KLF12: variants seen among roughly 807,000 people sequenced by gnomAD.
KLF12 encodes the protein Krueppel-like factor 12.
In KLF12, 9 loss-of-function variants were observed where a neutral mutation model predicts 37.8. That is an observed-to-expected ratio of 0.24 (90% CI 0.14 to 0.42). The LOEUF (loss-of-function observed/expected upper bound fraction) is 0.42, where lower values mean the gene tolerates loss of function less well. KLF12 is among the 10% of genes least tolerant of loss of function. KLF12 has a pLI of 1.00. For synonymous variants in KLF12, 208 were observed against 202.1 expected (o/e 1.03, Z -0.25); for missense variants, 411 against 516.0 (o/e 0.80, Z 1.97).
upstream of KLF12, among the ~76,000 whole-genome samples, chr13:74,135,393 G>C (rs1443734138): frequency 2.0e-5 from 3 of 151,932 alleles, no homozygotes; most frequent in Non-Finnish European, 4.4e-5. Flanking sequence ...GGACGGCCCG[G>C]AGCCGAGTCC....
chr13:73,731,258 A>C (rs1279475686), intron 6 of KLF12, among the ~76,000 whole-genome samples: 1 of 152,218 alleles, frequency 6.6e-6, no homozygotes, highest in African/African-American at 2.4e-5. Context: ...CTTGGAGTCC[A>C]CAGGAAAAGT....
At chr13:73,945,103 A>G (rs544984559) in intron 2 of KLF12, among the ~76,000 whole-genome samples, 23 of 152,344 alleles carry the variant, frequency 1.5e-4, no homozygotes, top group African/African-American at 5.0e-4. Context: ...GGTGAAAAAG[A>G]TAAGTATAAT....
chr13:73,856,172 A>T (rs1181793180), intron 3 of KLF12, among the ~76,000 whole-genome samples: 1 of 152,224 alleles, frequency 6.6e-6, no homozygotes, highest in East Asian at 1.9e-4. Flanking sequence ...TTAGAGATGA[A>T]GGCAGGCACA....
intron 1 of KLF12, among the ~76,000 whole-genome samples, chr13:74,125,020 C>T (rs1877854652): frequency 6.6e-6 from 1 of 151,934 alleles, no homozygotes; most frequent in Non-Finnish European, 1.5e-5. Context: ...GTGGCACACA[C>T]CTGAGTCCCA....
chr13:73,986,939 T>G (rs79587734), intron 2 of KLF12, among the ~76,000 whole-genome samples: 6 of 140,364 alleles, frequency 4.3e-5, no homozygotes, highest in South Asian at 2.2e-4. Flanking sequence ...TAAATTTGTG[T>G]TTTTTTTTCA....
chr13:74,055,118 A>C (rs1873172537), intron 1 of KLF12, among the ~76,000 whole-genome samples: 1 of 152,258 alleles, frequency 6.6e-6, no homozygotes, highest in African/African-American at 2.4e-5. Flanking sequence ...GACATTTACC[A>C]AATATTTTTA....
At chr13:73,702,012 T>C (rs977575707) in intron 7 of KLF12, among the ~76,000 whole-genome samples, 5 of 151,492 alleles carry the variant, frequency 3.3e-5, no homozygotes, top group Non-Finnish European at 7.4e-5. Flanking sequence ...AAAGACGACA[T>C]ACCACACACA....
chr13:73,712,885 G>T (rs191638698), intron 7 of KLF12, among the ~76,000 whole-genome samples: 2 of 152,208 alleles, frequency 1.3e-5, no homozygotes, highest in Non-Finnish European at 2.9e-5. Flanking sequence ...GCACACTTGA[G>T]TATAGTGTAA....
chr13:73,789,922 C>G (rs977989700), intron 5 of KLF12, among the ~76,000 whole-genome samples: 4 of 152,088 alleles, frequency 2.6e-5, no homozygotes, highest in Non-Finnish European at 5.9e-5. Flanking sequence ...GTGATCCGCC[C>G]ACCTCGGCCT....
intron 1 of KLF12, among the ~76,000 whole-genome samples, chr13:74,127,394 A>C (rs1878000881): frequency 6.6e-6 from 1 of 152,228 alleles, no homozygotes; most frequent in South Asian, 2.1e-4. Flanking sequence ...CAAATCAACA[A>C]GCAATTAACA....
chr13:74,159,822 C>T, the KLF12 span, among the ~76,000 whole-genome samples: 2 of 152,008 alleles, frequency 1.3e-5, no homozygotes, highest in African/African-American at 4.8e-5. Context: ...AGCTCGAGAC[C>T]AGCCTGGGCA....
chr13:73,800,096 T>C (rs945901694), intron 5 of KLF12: 1 of 152,126 alleles, frequency 6.6e-6, no homozygotes, highest in African/African-American at 2.4e-5. Context: ...AATGAGAGGT[T>C]AATCAATGTT....
chr13:73,802,509 C>A (rs1345383148), intron 5 of KLF12, among the ~76,000 whole-genome samples: 1 of 151,894 alleles, frequency 6.6e-6, no homozygotes, highest in Non-Finnish European at 1.5e-5. Flanking sequence ...CAACAATGTG[C>A]AGATTTGTTA....
At chr13:74,099,538 C>T (rs1876187608) in intron 1 of KLF12, among the ~76,000 whole-genome samples, 1 of 152,166 alleles carries the variant, frequency 6.6e-6, no homozygotes, top group Non-Finnish European at 1.5e-5. Context: ...CAGGGCCATT[C>T]CTTTAGCTAG....
intron 1 of KLF12, among the ~76,000 whole-genome samples, chr13:74,047,424 T>C (rs1383559832): frequency 2.7e-5 from 3 of 112,072 alleles, no homozygotes; most frequent in Non-Finnish European, 5.6e-5. Context: ...ACCCCGTCTC[T>C]ACTAAAAATA....
intron 3 of KLF12, among the ~76,000 whole-genome samples, chr13:73,896,347 A>C (rs1364311232): frequency 2.6e-5 from 4 of 152,196 alleles, no homozygotes; most frequent in African/African-American, 4.8e-5. Context: ...AATGAAATTA[A>C]ACTGTCACAC....
intron 1 of KLF12, among the ~76,000 whole-genome samples, chr13:74,005,307 A>G (rs941681033): frequency 1.9e-4 from 29 of 152,292 alleles, no homozygotes; most frequent in Admixed American, 1.2e-3. Context: ...AATATAGAAA[A>G]ATAAATATAA....
rs576582498 is a variant in KLF12 at position 73,828,157 on chromosome 13, T to G, written c.671-14870A>C. Among the ~76,000 whole-genome samples, 4 of 152,298 alleles carry G rather than the reference T, an allele frequency of 2.6e-5. No homozygotes were observed. The South Asian group carries it at 8.3e-4, about 32-fold the overall frequency. On this transcript the variant is annotated intron_variant, in intron 4 of 7. Coordinates refer to ENST00000377669, the MANE Select transcript of KLF12 (RefSeq NM_007249.5). Reference sequence around the variant, plus strand: ...ATCTTTCAGCCCTTTGAGGAGCCTATTGCATTGCTTTCTGGCATCTGTTGG... The same window carrying G: ...ATCTTTCAGCCCTTTGAGGAGCCTAGTGCATTGCTTTCTGGCATCTGTTGG...
At chr13:74,181,219 C>G in the KLF12 span, among the ~76,000 whole-genome samples, 3 of 151,732 alleles carry the variant, frequency 2.0e-5, no homozygotes, top group South Asian at 4.2e-4. Context: ...AGGCTGGACT[C>G]GAACTCCTGA....
Sources: allele counts gnomAD v4.1 joint callset (sites outside exome capture counted in the v4.1 genomes callset), GRCh38; gene constraint gnomAD v4.1.1; transcripts MANE v1.5; gene names NCBI Gene and HGNC (gene_info 2026-07-23, HGNC 2026-07-21).